SLC29A4: variants seen among roughly 807,000 people sequenced by gnomAD.
SLC29A4 encodes solute carrier family 29 member 4.
In SLC29A4, 36 loss-of-function variants were observed where a neutral mutation model predicts 43.9. The ratio of observed to expected loss-of-function variants is 0.82; its 90% CI spans 0.63 to 1.08. The LOEUF (loss-of-function observed/expected upper bound fraction) is 1.08. SLC29A4 is among the 50% of genes least tolerant of loss of function. The pLI is 0.00. For missense variants in SLC29A4, 869 were observed against 755.3 expected (o/e 1.15, Z -1.77); for synonymous variants, 491 against 338.0 (o/e 1.45, Z -4.97).
Position 5,303,716 on chromosome 7 carries a change from A to T in SLC29A4, c.*777A>T, listed in dbSNP as rs928901308. The T allele has an allele frequency of 6.6e-6, 1 of 152,252 alleles. No homozygotes were observed. The highest frequency in any genetic ancestry group is 1.9e-4 in the East Asian group (1 of 5,178). 9.4% of individuals were successfully genotyped at this position (152,252 alleles called of 1,614,324 possible). A position where few individuals can be genotyped will look rare whatever the true frequency, so the allele number is the denominator to read the frequency against. ...AGGGGAGGTAAGTCTGGGGGCTACG[A>T]AGCCGGGCCCCCACACCCTGGCTGA... On this transcript the variant is annotated 3_prime_UTR_variant, in exon 11 of 11. Coordinates refer to ENST00000396872, the MANE Select transcript of SLC29A4 (RefSeq NM_153247.4).
chr7:5,294,219 G>A (rs1785495705), intron 5 of SLC29A4, among the ~76,000 whole-genome samples: 1 of 152,136 alleles, frequency 6.6e-6, no homozygotes, highest in African/African-American at 2.4e-5. Flanking sequence ...GGGATTACAG[G>A]TGTGAGCCAC....
intron 6 of SLC29A4, among the ~76,000 whole-genome samples, chr7:5,295,998 C>T (rs1326721308): frequency 6.6e-6 from 1 of 152,056 alleles, no homozygotes; most frequent in Non-Finnish European, 1.5e-5. Context: ...GGCGCATGGT[C>T]ACGCGAAGAA....
intron 1 of SLC29A4, among the ~76,000 whole-genome samples, chr7:5,287,140 GGGCGCAGT>G (rs1158221255): frequency 3.9e-5 from 6 of 152,308 alleles, no homozygotes; most frequent in African/African-American, 1.2e-4. Flanking sequence ...GGTGAGGGCT[GGGCGCAGT>G]GGCTCAGTGG....
chr7:5,305,073 C>T lies in SLC29A4; in HGVS notation c.*2134C>T, dbSNP rs1786415186. The T allele has an allele frequency of 1.3e-5, 2 of 152,246 alleles. No homozygotes were observed. The highest frequency in any genetic ancestry group is 1.5e-5 in the Non-Finnish European group (1 of 68,082). 9.4% of individuals were successfully genotyped at this position (152,246 alleles called of 1,614,324 possible). On this transcript the variant is annotated 3_prime_UTR_variant, in exon 11 of 11. Transcript: ENST00000396872. The stretch of plus-strand genomic sequence containing the variant: ...TCAAGTGTTCCCCCTGCCTTGGCCT[C>T]CCAAAGTGCCAGGATTACAGGTATG...
chr7:5,287,265 A>T (rs1429987847), intron 1 of SLC29A4, among the ~76,000 whole-genome samples: 2 of 152,132 alleles, frequency 1.3e-5, no homozygotes, highest in South Asian at 2.1e-4. Flanking sequence ...GAAATTTTTT[A>T]AAATTAGCCA....
intron 1 of SLC29A4, 148 bp downstream of exon 1, chr7:5,283,230 C>T (rs1487459975): frequency 6.9e-6 from 1 of 144,724 alleles, no homozygotes; most frequent in African/African-American, 2.5e-5. Flanking sequence ...GAACCCGAGG[C>T]CACCCCGGCC....
At chr7:5,301,265 A>G (rs1350293329) in intron 10 of SLC29A4, among the ~76,000 whole-genome samples, 1 of 151,498 alleles carries the variant, frequency 6.6e-6, no homozygotes, top group Non-Finnish European at 1.5e-5. Flanking sequence ...GTCTGGGGAA[A>G]AAAAAAAAAA....
At chr7:5,284,482 C>T (rs1249623439) in intron 1 of SLC29A4, among the ~76,000 whole-genome samples, 1 of 152,222 alleles carries the variant, frequency 6.6e-6, no homozygotes, top group Non-Finnish European at 1.5e-5. Flanking sequence ...CTCAAGGGCC[C>T]CCTGGGTCAG....
In SLC29A4 at chr7:5,290,757, CCGTTATCA is replaced by C; in HGVS notation, c.198_205del (p.Tyr67HisfsTer38). 1 of 1,613,284 alleles carries C rather than the reference CCGTTATCA, an allele frequency of 6.2e-7. No homozygotes were observed. The highest frequency in any genetic ancestry group is 1.3e-5 in the African/African-American group (1 of 75,046). On this transcript the variant is annotated frameshift_variant, in exon 3 of 11. Coordinates refer to ENST00000396872, the MANE Select transcript of SLC29A4 (RefSeq NM_153247.4). LOFTEE classifies it high-confidence loss of function. ...CATTGGACGAGCCAGTGCCCGATGA[CCGTTATCA>C]CGCCATCTACTTTGCGATGCTGCTG...
At position 5,300,592 on chromosome 7, in the gene SLC29A4, C is replaced by T. The variant is rs200047542; in HGVS notation, c.1380C>T (p.Asn460=). The T allele has an allele frequency of 2.0e-5, 33 of 1,611,332 alleles. No individual in the cohort carries two copies. The highest frequency in any genetic ancestry group is 2.7e-5 in the African/African-American group (2 of 74,872). The change falls in exon 10 of 11, where the codon AAC becomes AAT. Residue 460 remains asparagine, a synonymous_variant. Coordinates refer to ENST00000396872, the MANE Select transcript of SLC29A4 (RefSeq NM_153247.4). ...CIFSLLMGIS[N]GYFGSVPMIL... is the part of the protein sequence containing the mutation. Reference sequence around the variant, plus strand: ...TCTCACTGCTCATGGGCATCAGCAACGGCTACTTCGGCAGCGTGCCCATGA... The same window carrying T: ...TCTCACTGCTCATGGGCATCAGCAATGGCTACTTCGGCAGCGTGCCCATGA...
intron 4 of SLC29A4, among the ~76,000 whole-genome samples, chr7:5,291,483 C>T (rs1015800678): frequency 3.0e-4 from 46 of 152,362 alleles, no homozygotes; most frequent in South Asian, 2.1e-4. Flanking sequence ...TTCCTCTGCA[C>T]GGCAACATCC....
rs575203283 is a variant in SLC29A4, at chr7:5,305,392, G to A, written c.*2453G>A. ...TCTGCAGGCCACCCACACTAACCAG[G>A]TCAGTCACTGGGCAGCCAGACCCCC... On this transcript the variant is annotated 3_prime_UTR_variant, in exon 11 of 11. Coordinates refer to ENST00000396872, the MANE Select transcript of SLC29A4 (RefSeq NM_153247.4). 1 of 152,370 alleles carries A rather than the reference G, an allele frequency of 6.6e-6. No individual in the cohort carries two copies. The highest frequency in any genetic ancestry group is 1.9e-4 in the East Asian group (1 of 5,182). 9.4% of individuals were successfully genotyped at this position (152,370 alleles called of 1,614,324 possible). A position where few individuals can be genotyped will look rare whatever the true frequency, so the allele number is the denominator to read the frequency against.
In SLC29A4 at chr7:5,304,305, C is replaced by G. The variant is rs1327115619; in HGVS notation, c.*1366C>G. ...TGTCGCTCACCTTGACCGCCCGCCC[C>G]CCCCACCCCTTCGTGAGGATCAGGG... On this transcript the variant is annotated 3_prime_UTR_variant, in exon 11 of 11. Coordinates refer to ENST00000396872, the MANE Select transcript of SLC29A4 (RefSeq NM_153247.4). 2 of 148,950 alleles carry G rather than the reference C, an allele frequency of 1.3e-5. No individual in the cohort carries two copies. Among genetic ancestry groups the G allele is most frequent in the Non-Finnish European group, 3.0e-5 (2 of 66,798 alleles). The allele number at this position is 148,950 out of a possible 1,614,324, so 9.2% of individuals were successfully genotyped here.
In SLC29A4 at chr7:5,294,951, C is replaced by A; in HGVS notation, c.619+17C>A. On this transcript the variant is annotated intron_variant, in intron 6 of 10. Coordinates refer to ENST00000396872, the MANE Select transcript of SLC29A4 (RefSeq NM_153247.4). ...CCGGGGAGAGTGAGTATCTGCAGAC[C>A]CCCCGGGGAGGGGGTGCTGGGCTGC... 2 of 1,594,324 alleles carry A rather than the reference C, an allele frequency of 1.3e-6. No homozygotes were observed. Among genetic ancestry groups the A allele is most frequent in the Non-Finnish European group, 1.7e-6 (2 of 1,173,154 alleles).
chr7:5,289,081 A>G (rs1785144636), intron 2 of SLC29A4, among the ~76,000 whole-genome samples: 1 of 152,148 alleles, frequency 6.6e-6, no homozygotes, highest in Non-Finnish European at 1.5e-5. Context: ...GCTGCTGTTT[A>G]TGCTAGTACT....
At chr7:5,301,437 G>A (rs1583683877) in intron 10 of SLC29A4, among the ~76,000 whole-genome samples, 1 of 152,266 alleles carries the variant, frequency 6.6e-6, no homozygotes, top group African/African-American at 2.4e-5. Context: ...TGTGAGCAAA[G>A]ACCTGGAGGA....
Position 5,303,285 on chromosome 7 carries a change from A to C in SLC29A4, c.*346A>C. On this transcript the variant is annotated 3_prime_UTR_variant, in exon 11 of 11. Coordinates refer to ENST00000396872, the MANE Select transcript of SLC29A4 (RefSeq NM_153247.4). Reference sequence around the variant, plus strand: ...ACCGTGTCCCCACCCAGGACAGCAGACACCCGCCAGAGTGTGCGCGCCCAG... The same window carrying C: ...ACCGTGTCCCCACCCAGGACAGCAGCCACCCGCCAGAGTGTGCGCGCCCAG... 2.7e-6 allele frequency: 1 copy of C among 368,652 alleles called. No individual in the cohort carries two copies. 22.8% of individuals were successfully genotyped at this position (368,652 alleles called of 1,614,324 possible).
intron 9 of SLC29A4, among the ~76,000 whole-genome samples, chr7:5,299,869 T>G (rs2128092205): frequency 6.6e-6 from 1 of 152,326 alleles, no homozygotes; most frequent in South Asian, 2.1e-4. Context: ...CTTGCCAACA[T>G]GGTGAAACCC....
In SLC29A4 at chr7:5,292,690, C is replaced by CTTTTTTTTTTTTTTTTTTTT. The variant is rs1056329272; in HGVS notation, c.544+878_544+897dup. 3.4e-4 allele frequency among the ~76,000 whole-genome samples: 23 copies of CTTTTTTTTTTTTTTTTTTTT among 67,402 alleles called. 3 individuals carry two copies. The highest frequency in any genetic ancestry group is 4.4e-4 in the Non-Finnish European group (17 of 38,220). 44.2% of individuals were successfully genotyped at this position (67,402 alleles called of 152,430 possible). A position where few individuals can be genotyped will look rare whatever the true frequency, so the allele number is the denominator to read the frequency against. Reference sequence around the variant, plus strand: ...TTCTACCAGCCAAGACATTTTTTTCCTTTTTTTTTTTTTTTTTTTTTTTTT... The same window carrying CTTTTTTTTTTTTTTTTTTTT: ...TTCTACCAGCCAAGACATTTTTTTCCTTTTTTTTTTTTTTTTTTTTTTTTTTTTTTTTTTTTTTTTTTTTT... On this transcript the variant is annotated intron_variant, in intron 5 of 10. Coordinates refer to ENST00000396872, the MANE Select transcript of SLC29A4 (RefSeq NM_153247.4).
Sources: allele counts gnomAD v4.1 joint callset (sites outside exome capture counted in the v4.1 genomes callset), GRCh38; gene constraint gnomAD v4.1.1; transcripts MANE v1.5; gene names NCBI Gene and HGNC (gene_info 2026-07-23, HGNC 2026-07-21).